Variants in VIPR2 observed in about 807,000 individuals in gnomAD.
VIPR2 encodes vasoactive intestinal polypeptide receptor 2.
Under a neutral mutation model 58.0 loss-of-function variants are expected in VIPR2, and 48 were observed. The observed-to-expected ratio is 0.83, with a 90% CI of 0.66 to 1.05. The LOEUF (loss-of-function observed/expected upper bound fraction) is 1.05. Ranked by LOEUF, VIPR2 falls within the 50% of genes least tolerant of loss-of-function variation. The pLI, the probability that VIPR2 is intolerant of heterozygous loss-of-function variation, is 0.00. For missense variants in VIPR2, 534 were observed against 558.0 expected (o/e 0.96, Z 0.43); for synonymous variants, 243 against 235.2 (o/e 1.03, Z -0.30).
At chr7:159,080,344 T>C (rs968805656) in intron 4 of VIPR2, among the ~76,000 whole-genome samples, 2 of 152,204 alleles carry the variant, frequency 1.3e-5, no homozygotes, top group Non-Finnish European at 2.9e-5. Flanking sequence ...ATCCAGCATA[T>C]AAACAGAACC....
Position 159,127,401 on chromosome 7 carries a change from T to A in VIPR2, c.151+15045A>T, listed in dbSNP as rs1796694738. Among the ~76,000 whole-genome samples the A allele has an allele frequency of 6.6e-6, 1 of 152,170 alleles. No homozygotes were observed. Among genetic ancestry groups the A allele is most frequent in the African/African-American group, 2.4e-5 (1 of 41,440 alleles). Reference sequence around the variant, plus strand: ...AAACCCACAACTCCAAATCCAGAAATAACCAAAACTATTAAATGAACAAGA... The same window carrying A: ...AAACCCACAACTCCAAATCCAGAAAAAACCAAAACTATTAAATGAACAAGA... On this transcript the variant is annotated intron_variant, in intron 2 of 12. Transcript: ENST00000262178. The surrounding 1 kb of genome is among the most constrained non-coding windows in gnomAD (Gnocchi z 4.6).
chr7:159,133,643 T>A (rs975825947), intron 2 of VIPR2, among the ~76,000 whole-genome samples: 2 of 152,054 alleles, frequency 1.3e-5, no homozygotes, highest in Non-Finnish European at 2.9e-5. Flanking sequence ...GAATCTCTGC[T>A]TCTGTCTGTT....
intron 4 of VIPR2, among the ~76,000 whole-genome samples, chr7:159,064,233 C>T (rs1563289489): frequency 6.6e-6 from 1 of 151,998 alleles, no homozygotes; most frequent in Non-Finnish European, 1.5e-5. Context: ...TCCTTCTTCC[C>T]GCATTTCACG....
At chr7:159,131,442 C>G (rs1338986326) in intron 2 of VIPR2, among the ~76,000 whole-genome samples, 1 of 152,174 alleles carries the variant, frequency 6.6e-6, no homozygotes, top group Admixed American at 6.5e-5. Context: ...CTGATGCTTC[C>G]TTTATCCCCT....
At position 159,144,738 on chromosome 7, in the gene VIPR2, A is replaced by C; in HGVS notation, c.34T>G (p.Cys12Gly). ...GCACTCACGGGGGCGAGCAGCCAGC[A>C]GGTCAGCAGCGCGGGAGGCAGCAGC... ...RTLLPPALLTCWLLAPVNSIH... is the reference protein window; with the variant it reads ...RTLLPPALLTGWLLAPVNSIH... Residue 12 changes from cysteine to glycine, a missense_variant, in exon 1 of 13, where the codon TGC becomes GGC. Cys to Gly is a radical substitution (Grantham distance 159, BLOSUM62 -3). Coordinates refer to ENST00000262178, the MANE Select transcript of VIPR2 (RefSeq NM_003382.5). 21 of 1,308,718 alleles carry C rather than the reference A, an allele frequency of 1.6e-5. No individual in the cohort carries two copies. The highest frequency in any genetic ancestry group is 1.9e-5 in the Non-Finnish European group (20 of 1,030,856). The allele number at this position is 1,308,718 out of a possible 1,614,324, so 81.1% of individuals were successfully genotyped here.
Position 159,031,400 on chromosome 7 carries a change from A to C in VIPR2, c.1143+428T>G. ...AGCCTCCCTGGCTGGGAATGAACGCAGGGCAGAGCTCGGCTCCGGGCTTCC... is the reference window on the plus strand; with the variant it reads ...AGCCTCCCTGGCTGGGAATGAACGCCGGGCAGAGCTCGGCTCCGGGCTTCC... On this transcript the variant is annotated intron_variant, in intron 12 of 12. Coordinates refer to ENST00000262178, the MANE Select transcript of VIPR2 (RefSeq NM_003382.5). The surrounding 1 kb of genome is among the most constrained non-coding windows in gnomAD (Gnocchi z 4.0). The C allele has an allele frequency of 1.0e-6, 1 of 979,128 alleles. No individual in the cohort carries two copies. The highest frequency in any genetic ancestry group is 1.2e-6 in the Non-Finnish European group (1 of 824,170). 60.7% of individuals were successfully genotyped at this position (979,128 alleles called of 1,614,324 possible). A position where few individuals can be genotyped will look rare whatever the true frequency, so the allele number is the denominator to read the frequency against.
intron 2 of VIPR2, among the ~76,000 whole-genome samples, chr7:159,121,428 G>T (rs1411001122): frequency 1.3e-5 from 2 of 152,144 alleles, no homozygotes; most frequent in African/African-American, 4.8e-5. Context: ...ACTTGCTTGG[G>T]AAGAGGACCT....
intron 3 of VIPR2, among the ~76,000 whole-genome samples, chr7:159,107,452 T>C (rs1795797576): frequency 6.6e-6 from 1 of 152,218 alleles, no homozygotes; most frequent in African/African-American, 2.4e-5. Context: ...TTCCCCTCTA[T>C]GCAGACAGTT....
rs1342133694 is a variant in VIPR2, at chr7:159,093,847, G to A, written c.357+9910C>T. Among the ~76,000 whole-genome samples, 1 of 152,192 alleles carries A rather than the reference G, an allele frequency of 6.6e-6. No individual in the cohort carries two copies. Among genetic ancestry groups the A allele is most frequent in the Admixed American group, 6.5e-5 (1 of 15,286 alleles). ...CCGGACATGGGAGAGGCCCCGCAGT[G>A]TCCCTGAGTCTCCTGGACAGCGGCC... On this transcript the variant is annotated intron_variant, in intron 4 of 12. Coordinates refer to ENST00000262178, the MANE Select transcript of VIPR2 (RefSeq NM_003382.5). The surrounding 1 kb of genome is among the most constrained non-coding windows in gnomAD (Gnocchi z 6.7).
intron 4 of VIPR2, among the ~76,000 whole-genome samples, chr7:159,094,089 C>T (rs915683151): frequency 6.6e-6 from 1 of 152,138 alleles, no homozygotes; most frequent in Non-Finnish European, 1.5e-5. Flanking sequence ...AGGAGAGATG[C>T]AGAGGAGGGG....
chr7:159,059,404 TTTTA>T (rs1180005497), intron 4 of VIPR2: 1 of 462,870 alleles, frequency 2.2e-6, no homozygotes. Flanking sequence ...ATGTGATGAA[TTTTA>T]TTTTTGTCAA....
intron 2 of VIPR2, among the ~76,000 whole-genome samples, chr7:159,125,134 C>T (rs567866378): frequency 4.9e-4 from 75 of 152,238 alleles, no homozygotes; most frequent in African/African-American, 1.8e-3. Flanking sequence ...ATTTTTTTCT[C>T]TTGCCTGACT....
chr7:159,129,900 G>A (rs867733310), intron 2 of VIPR2, among the ~76,000 whole-genome samples: 9 of 82,042 alleles, frequency 1.1e-4, no homozygotes, highest in African/African-American at 6.5e-4. Context: ...GCCTCTGGGG[G>A]GGACAGGGCT....
At chr7:159,115,050 C>T (rs1371695118) in intron 2 of VIPR2, among the ~76,000 whole-genome samples, 1 of 152,178 alleles carries the variant, frequency 6.6e-6, no homozygotes, top group Non-Finnish European at 1.5e-5. Flanking sequence ...TAGAACTGTA[C>T]TTTCTATATG....
chr7:159,136,926 G>A (rs1402699012), intron 2 of VIPR2, among the ~76,000 whole-genome samples: 1 of 152,186 alleles, frequency 6.6e-6, no homozygotes, highest in East Asian at 1.9e-4. Context: ...CATACCTGGG[G>A]AGGAGGAGGC....
At chr7:159,132,734 G>A (rs1252609848) in intron 2 of VIPR2, among the ~76,000 whole-genome samples, 19 of 151,816 alleles carry the variant, frequency 1.3e-4, no homozygotes, top group South Asian at 8.3e-4. Context: ...TGCAAACCAC[G>A]CAATATATTT....
intron 4 of VIPR2, among the ~76,000 whole-genome samples, chr7:159,102,400 T>G (rs1267432110): frequency 2.6e-5 from 4 of 152,210 alleles, no homozygotes; most frequent in Non-Finnish European, 5.9e-5. Context: ...CACGGAACTG[T>G]GAGTCCATCA....
At position 159,031,136 on chromosome 7, in the gene VIPR2, C is replaced by T. The variant is rs1853550818; in HGVS notation, c.1144-347G>A. Among the ~76,000 whole-genome samples the T allele has an allele frequency of 6.6e-6, 1 of 152,098 alleles. No homozygotes were observed. The highest frequency in any genetic ancestry group is 1.5e-5 in the Non-Finnish European group (1 of 68,030). On this transcript the variant is annotated intron_variant, in intron 12 of 12. Coordinates refer to ENST00000262178, the MANE Select transcript of VIPR2 (RefSeq NM_003382.5). The surrounding 1 kb of genome is among the most constrained non-coding windows in gnomAD (Gnocchi z 4.0). ...GGTTGTGACGGTGCTGGGCCTCCGT[C>T]TCCTTCCCTGTTCCCAGCGGGCAGG...
At chr7:159,083,737 G>C (rs57403237) in intron 4 of VIPR2, among the ~76,000 whole-genome samples, 2,165 of 152,328 alleles carry the variant, frequency 0.014, 49 homozygotes, top group African/African-American at 0.044. Context: ...ATGCAGTTTG[G>C]GGGGTGACAA....
Sources: allele counts gnomAD v4.1 joint callset (sites outside exome capture counted in the v4.1 genomes callset), GRCh38; gene constraint gnomAD v4.1.1; non-coding constraint Gnocchi (gnomAD v3.1); transcripts MANE v1.5; gene names NCBI Gene and HGNC (gene_info 2026-07-23, HGNC 2026-07-21).